The following MAP4K5 variants were observed in gnomAD, a reference collection of about 807,000 sequenced individuals.
The protein encoded by MAP4K5 is MAPK/ERK kinase kinase kinase 5.
In MAP4K5, 82 loss-of-function variants were observed where a neutral mutation model predicts 135.6. The ratio of observed to expected loss-of-function variants is 0.60; its 90% CI spans 0.51 to 0.73. MAP4K5 has a LOEUF of 0.73. Among genes scored for constraint, MAP4K5 ranks in the 30% least tolerant of loss-of-function variants. The pLI, the probability that MAP4K5 is intolerant of heterozygous loss-of-function variation, is 0.00. For missense variants in MAP4K5, 907 were observed against 1,010.9 expected (o/e 0.90, Z 1.39); for synonymous variants, 347 against 335.0 (o/e 1.04, Z -0.39).
chr14:50,426,191 T>C (rs147440782), intron 30 of MAP4K5, among the ~76,000 whole-genome samples: 10 of 152,284 alleles, frequency 6.6e-5, no homozygotes, highest in Non-Finnish European at 1.2e-4. Context: ...CAAAGATACA[T>C]ATAAAAGCCA....
chr14:50,509,720 C>T (rs1033663395), intron 2 of MAP4K5, among the ~76,000 whole-genome samples: 6 of 151,464 alleles, frequency 4.0e-5, no homozygotes, highest in South Asian at 2.1e-4. Context: ...AACTCACTTA[C>T]GTCATAATCT....
In MAP4K5 at chr14:50,531,919, A is replaced by T. The variant is rs1039163291; in HGVS notation, c.108+23T>A. On this transcript the variant is annotated intron_variant, in intron 2 of 32. Coordinates refer to ENST00000682126, the MANE Select transcript of MAP4K5 (RefSeq NM_006575.6). ...CCGGGACCCAGTCGACCGCAGGAAA[A>T]AAGCACGGCCAGCCTCACTTACCTT... The T allele has an allele frequency of 5.2e-6, 8 of 1,535,354 alleles. No individual in the cohort carries two copies. In the African/African-American group the frequency reaches 9.6e-5, roughly 18 times the overall value.
At chr14:50,545,912 G>A (rs576299622) in intron 1 of MAP4K5, among the ~76,000 whole-genome samples, 7 of 152,166 alleles carry the variant, frequency 4.6e-5, no homozygotes, top group South Asian at 2.1e-4. Flanking sequence ...GAGCTCAAAT[G>A]TTTCACCTTC....
intron 13 of MAP4K5, among the ~76,000 whole-genome samples, chr14:50,459,243 T>G (rs2036657781): frequency 6.6e-6 from 1 of 152,200 alleles, no homozygotes; most frequent in Non-Finnish European, 1.5e-5. Context: ...CATCTTTCTT[T>G]CCAAACCTGA....
intron 3 of MAP4K5, among the ~76,000 whole-genome samples, chr14:50,502,133 C>T (rs771628396): frequency 6.6e-5 from 10 of 152,086 alleles, no homozygotes; most frequent in Non-Finnish European, 1.2e-4. Flanking sequence ...ATTATGGGAA[C>T]GCTAAGCACG....
At chr14:50,532,284 A>G in intron 1 of MAP4K5, 126 bp from the exon 2 acceptor site, 1 of 456,030 alleles carries the variant, frequency 2.2e-6, no homozygotes, top group South Asian at 3.4e-5. Flanking sequence ...GGGGCCTGGA[A>G]GGGCCCCCGG....
chr14:50,494,254 G>A lies in MAP4K5; in HGVS notation c.167-8060C>T, dbSNP rs1044843818. On this transcript the variant is annotated intron_variant, in intron 3 of 32. Coordinates refer to ENST00000682126, the MANE Select transcript of MAP4K5 (RefSeq NM_006575.6). ...ACAATCTCAACTCACTGCAACCTCC[G>A]CCTCCCGGGGTTCAAGTGATTCTTC... 7.3e-5 allele frequency among the ~76,000 whole-genome samples: 11 copies of A among 151,642 alleles called. No homozygotes were observed. The East Asian group carries it at 7.8e-4, about 11-fold the overall frequency.
rs200600079 is a variant in MAP4K5 at position 50,548,738 on chromosome 14, C to G, written c.-179-6154G>C. 1.2e-4 allele frequency among the ~76,000 whole-genome samples: 18 copies of G among 152,174 alleles called. No homozygotes were observed. The East Asian group carries it at 3.3e-3, about 28-fold the overall frequency. ...TGTTAGCCAGGATGGTCTCGATCTCCTGACCTTGTGATCCGCCTGCCTCAG... is the reference window on the plus strand; with the variant it reads ...TGTTAGCCAGGATGGTCTCGATCTCGTGACCTTGTGATCCGCCTGCCTCAG... On this transcript the variant is annotated intron_variant, in intron 1 of 8. Coordinates refer to the MAP4K5 transcript ENST00000555216.
intron 2 of MAP4K5, among the ~76,000 whole-genome samples, chr14:50,542,060 T>C (rs1279868674): frequency 6.9e-6 from 1 of 144,300 alleles, no homozygotes; most frequent in African/African-American, 2.6e-5. Context: ...AATATGCTGT[T>C]ATCTGCTGAC....
At chr14:50,478,401 AT>A (rs1465731401) in intron 6 of MAP4K5, among the ~76,000 whole-genome samples, 1 of 148,730 alleles carries the variant, frequency 6.7e-6, no homozygotes, top group Non-Finnish European at 1.5e-5. Context: ...TTTCCTTTCC[AT>A]TTCGTTTATT....
intron 2 of MAP4K5, among the ~76,000 whole-genome samples, chr14:50,517,406 C>A (rs2038056205): frequency 6.6e-6 from 1 of 151,762 alleles, no homozygotes; most frequent in Non-Finnish European, 1.5e-5. Flanking sequence ...CTCACCTCGG[C>A]CTCCCAAAGT....
chr14:50,494,908 C>G (rs1200213088), intron 3 of MAP4K5, among the ~76,000 whole-genome samples: 2 of 152,066 alleles, frequency 1.3e-5, no homozygotes, highest in Non-Finnish European at 2.9e-5. Context: ...GGACCCCTGC[C>G]TTAAACCATA....
chr14:50,428,641 T>C (rs374503805), intron 30 of MAP4K5, 21 bp downstream of exon 30: 5 of 1,361,424 alleles, frequency 3.7e-6, no homozygotes, highest in South Asian at 1.4e-5. Context: ...CAAACTGATT[T>C]ATGAAAAAAA....
chr14:50,512,145 G>A (rs993554616), intron 2 of MAP4K5, among the ~76,000 whole-genome samples: 2 of 151,942 alleles, frequency 1.3e-5, no homozygotes, highest in African/African-American at 4.8e-5. Context: ...AGGAATTCAG[G>A]GGTTGGCTAA....
chr14:50,419,920 G>A lies in MAP4K5; in HGVS notation c.*99C>T. 1.2e-6 allele frequency: 1 copy of A among 833,500 alleles called. No homozygotes were observed. Among genetic ancestry groups the A allele is most frequent in the Non-Finnish European group, 2.0e-6 (1 of 498,616 alleles). The allele number at this position is 833,500 out of a possible 1,614,324, so 51.6% of individuals were successfully genotyped here. ...ATCATTTGCAATATAACCCATAATA[G>A]TTAAAGCAAATCATAGTGCAGTTTG... On this transcript the variant is annotated 3_prime_UTR_variant, in exon 33 of 33. Coordinates refer to ENST00000682126, the MANE Select transcript of MAP4K5 (RefSeq NM_006575.6).
chr14:50,458,837 C>T (rs1338600910), intron 13 of MAP4K5, among the ~76,000 whole-genome samples: 1 of 152,238 alleles, frequency 6.6e-6, no homozygotes, highest in East Asian at 1.9e-4. Context: ...GAGACAGGGT[C>T]TTGCTCTGTC....
At chr14:50,492,391 A>G (rs2037502771) in intron 3 of MAP4K5, among the ~76,000 whole-genome samples, 1 of 152,100 alleles carries the variant, frequency 6.6e-6, no homozygotes, top group Non-Finnish European at 1.5e-5. Context: ...CAGGAGTTCA[A>G]GACCAGCCTG....
Position 50,475,095 on chromosome 14 carries a change from A to G in MAP4K5, c.524T>C (p.Phe175Ser), listed in dbSNP as rs778475411. Residue 175 changes from phenylalanine to serine, a missense_variant, in exon 9 of 33, where the codon TTC (phenylalanine) becomes TCC (serine). Phe to Ser is a radical substitution (Grantham distance 155). This residue lies in a region of MAP4K5 where 21 missense variants were observed against 44.2 expected (regional missense o/e 0.47). Transcript: ENST00000682126. ...GTCTTACCAGTAAGGGGTGCCAATG[A>G]AAGATTTTCGTTTTGCAATGGTAGC... ...ITATIAKRKSFIGTPYWMAPE... is the reference protein window; with the variant it reads ...ITATIAKRKSSIGTPYWMAPE... 1 of 1,613,840 alleles carries G rather than the reference A, an allele frequency of 6.2e-7. No homozygotes were observed. The highest frequency in any genetic ancestry group is 8.5e-7 in the Non-Finnish European group (1 of 1,179,770).
At chr14:50,483,909 G>T (rs1042673112) in intron 5 of MAP4K5, among the ~76,000 whole-genome samples, 1 of 151,732 alleles carries the variant, frequency 6.6e-6, no homozygotes, top group Non-Finnish European at 1.5e-5. Flanking sequence ...CGCCCAGGCT[G>T]GAGTGCACTG....
Sources: allele counts gnomAD v4.1 joint callset (sites outside exome capture counted in the v4.1 genomes callset), GRCh38; gene constraint gnomAD v4.1.1; regional missense constraint gnomAD v4.1.1; transcripts MANE v1.5; gene names NCBI Gene and HGNC (gene_info 2026-07-23, HGNC 2026-07-21).